MYO3B: variants seen among roughly 807,000 people sequenced by gnomAD.
The protein encoded by MYO3B is myosin-IIIb.
Under a neutral mutation model 174.6 loss-of-function variants are expected in MYO3B, and 156 were observed. The observed-to-expected ratio is 0.89, with a 90% confidence interval of 0.78 to 1.02. The LOEUF (loss-of-function observed/expected upper bound fraction) is 1.02. Among genes scored for constraint, MYO3B ranks in the 50% least tolerant of loss-of-function variants. The pLI is 0.00. For synonymous variants in MYO3B, 563 were observed against 569.1 expected (o/e 0.99, Z 0.15); for missense variants, 1,632 against 1,639.4 (o/e 1.00, Z 0.08).
At chr2:170,473,217 A>G (rs1685094902) in intron 25 of MYO3B, among the ~76,000 whole-genome samples, 1 of 127,116 alleles carries the variant, frequency 7.9e-6, no homozygotes, top group African/African-American at 3.0e-5. Flanking sequence ...ATCTCGGCTT[A>G]CTGCAAGCTT....
chr2:170,394,058 G>T (rs1345368182), intron 16 of MYO3B, among the ~76,000 whole-genome samples: 1 of 152,128 alleles, frequency 6.6e-6, no homozygotes, highest in Non-Finnish European at 1.5e-5. Context: ...AAGGGTACAG[G>T]AACCATAGAG....
At chr2:170,428,907 G>C (rs962337119) in intron 22 of MYO3B, among the ~76,000 whole-genome samples, 1 of 152,326 alleles carries the variant, frequency 6.6e-6, no homozygotes, top group South Asian at 2.1e-4. Context: ...TGTGGGATAG[G>C]AATCCAAGTT....
intron 21 of MYO3B, among the ~76,000 whole-genome samples, chr2:170,407,451 A>T (rs1396108144): frequency 2.0e-5 from 3 of 152,104 alleles, no homozygotes; most frequent in Non-Finnish European, 2.9e-5. Context: ...ACAGAGTAAG[A>T]CTCCATCTCA....
At chr2:170,465,256 G>A (rs2105964810) in intron 24 of MYO3B, among the ~76,000 whole-genome samples, 1 of 152,264 alleles carries the variant, frequency 6.6e-6, no homozygotes, top group Non-Finnish European at 1.5e-5. Flanking sequence ...CATCTACTTG[G>A]CTTCTGGTGA....
chr2:170,277,888 T>C (rs951980233), intron 7 of MYO3B, among the ~76,000 whole-genome samples: 1 of 152,242 alleles, frequency 6.6e-6, no homozygotes, highest in African/African-American at 2.4e-5. Flanking sequence ...ATATGTATTT[T>C]AGAAGGACAT....
rs116369371 is a variant in MYO3B at position 170,378,684 on chromosome 2, T to C, written c.972-3332T>C. 3.9e-3 allele frequency among the ~76,000 whole-genome samples: 593 copies of C among 152,346 alleles called. 4 individuals are homozygous for C. The highest frequency in any genetic ancestry group is 0.014 in the African/African-American group (568 of 41,582). ...CAATGTTGATCCTAGTGATATTGCA[T>C]TGTGTATATTCACACTGAAAATTAA... On this transcript the variant is annotated intron_variant, in intron 9 of 34. Coordinates refer to ENST00000408978, the MANE Select transcript of MYO3B (RefSeq NM_138995.5).
intron 7 of MYO3B, among the ~76,000 whole-genome samples, chr2:170,275,466 T>A (rs1230368194): frequency 6.6e-6 from 1 of 152,178 alleles, no homozygotes; most frequent in East Asian, 1.9e-4. Flanking sequence ...CTATGACATT[T>A]TTCATGTGTA....
intron 22 of MYO3B, among the ~76,000 whole-genome samples, chr2:170,422,762 T>G (rs981592772): frequency 3.3e-5 from 5 of 151,998 alleles, no homozygotes; most frequent in Non-Finnish European, 7.4e-5. Context: ...AGCAGCCACA[T>G]TTTTTTAATT....
At chr2:170,635,378 T>C (rs6433228) in intron 32 of MYO3B, among the ~76,000 whole-genome samples, 112,768 of 151,876 alleles carry the variant, frequency 0.74, 42,301 homozygotes, top group African/African-American at 0.84. Flanking sequence ...AACCAAACAC[T>C]GCGTGTTCTC....
At chr2:170,381,789 C>T (rs1057120569) in intron 9 of MYO3B, among the ~76,000 whole-genome samples, 2 of 152,180 alleles carry the variant, frequency 1.3e-5, no homozygotes, top group Non-Finnish European at 2.9e-5. Context: ...CATTTGGTAA[C>T]ACTCCTCACT....
intron 32 of MYO3B, among the ~76,000 whole-genome samples, chr2:170,646,132 G>A (rs867993739): frequency 7.2e-5 from 11 of 151,800 alleles, no homozygotes; most frequent in African/African-American, 1.5e-4. Flanking sequence ...TTAGCCGGGC[G>A]TGGCGGCACA....
In MYO3B at chr2:170,655,057, G is replaced by C. The variant is rs1378097178; in HGVS notation, c.*1936G>C. On this transcript the variant is annotated 3_prime_UTR_variant, in exon 35 of 35. Coordinates refer to ENST00000408978, the MANE Select transcript of MYO3B (RefSeq NM_138995.5). ...GATAATATGAGCTGCTTTTCAAATT[G>C]TTGAATGGAAATGTTCATAACTCCC... 2.0e-5 allele frequency: 3 copies of C among 152,098 alleles called. No individual in the cohort carries two copies. Among genetic ancestry groups the C allele is most frequent in the African/African-American group, 4.8e-5 (2 of 41,420 alleles). The allele number at this position is 152,098 out of a possible 1,614,324, so 9.4% of individuals were successfully genotyped here. A position where few individuals can be genotyped will look rare whatever the true frequency, so the allele number is the denominator to read the frequency against.
At chr2:170,262,069 A>G (rs2093349631) in intron 7 of MYO3B, among the ~76,000 whole-genome samples, 1 of 152,194 alleles carries the variant, frequency 6.6e-6, no homozygotes, top group African/African-American at 2.4e-5. Context: ...CATCAGACAG[A>G]ATGGAATGAA....
At chr2:170,431,665 G>A (rs1285910156) in intron 22 of MYO3B, among the ~76,000 whole-genome samples, 2 of 152,192 alleles carry the variant, frequency 1.3e-5, no homozygotes, top group Non-Finnish European at 2.9e-5. Flanking sequence ...AATAGGGAAG[G>A]GATTTCTTTG....
chr2:170,633,121 T>G (rs4668289), intron 32 of MYO3B, among the ~76,000 whole-genome samples: 3,788 of 152,322 alleles, frequency 0.025, 165 homozygotes, highest in East Asian at 0.13. Context: ...ACTCATTTTA[T>G]GAGGCCAGCA....
chr2:170,526,868 CAA>C (rs1575117779), intron 30 of MYO3B, among the ~76,000 whole-genome samples: 1 of 152,286 alleles, frequency 6.6e-6, no homozygotes, highest in East Asian at 1.9e-4. Context: ...GATCCTTATG[CAA>C]AGAGTCCTTT....
intron 32 of MYO3B, among the ~76,000 whole-genome samples, chr2:170,635,735 A>C (rs1697409257): frequency 6.6e-6 from 1 of 152,198 alleles, no homozygotes. Context: ...AAGAAATAAA[A>C]TATTGTATTT....
intron 32 of MYO3B, chr2:170,649,820 C>CTA (rs1698861826): frequency 1.1e-5 from 1 of 90,742 alleles, no homozygotes; most frequent in East Asian, 3.2e-4. Context: ...GTGAGACTAT[C>CTA]TCAAAAAAAA....
At chr2:170,582,619 C>A (rs1301978484) in intron 32 of MYO3B, among the ~76,000 whole-genome samples, 4 of 152,106 alleles carry the variant, frequency 2.6e-5, no homozygotes. Flanking sequence ...TCCTTTCTGC[C>A]ACTTTGCCAC....
Sources: allele counts gnomAD v4.1 joint callset (sites outside exome capture counted in the v4.1 genomes callset), GRCh38; gene constraint gnomAD v4.1.1; transcripts MANE v1.5; gene names NCBI Gene and HGNC (gene_info 2026-07-23, HGNC 2026-07-21).